The following BICDL1 variants were observed in gnomAD, a reference collection of about 807,000 sequenced individuals.
The protein encoded by BICDL1 is BICD family-like cargo adapter 1.
In BICDL1, 20 loss-of-function variants were observed where a neutral mutation model predicts 76.8. That is an observed-to-expected ratio of 0.26 (90% CI 0.18 to 0.38). BICDL1 has a LOEUF of 0.38. Ranked by LOEUF, BICDL1 falls within the 10% of genes least tolerant of loss-of-function variation. The probability of loss-of-function intolerance (pLI) is 1.00; values close to 1 mark genes in which losing one functional copy is unlikely to be tolerated. For missense variants in BICDL1, 700 were observed against 798.6 expected (o/e 0.88, Z 1.49); for synonymous variants, 383 against 337.1 (o/e 1.14, Z -1.49).
chr12:120,020,488 A>G (rs1444712464), intron 2 of BICDL1, among the ~76,000 whole-genome samples: 5 of 152,212 alleles, frequency 3.3e-5, no homozygotes, highest in African/African-American at 1.2e-4. Flanking sequence ...CTAAATATTG[A>G]TAAAAAGAAA....
At chr12:120,082,695 T>G (rs111363997) in intron 8 of BICDL1, among the ~76,000 whole-genome samples, 2,651 of 151,732 alleles carry the variant, frequency 0.017, 74 homozygotes, top group African/African-American at 0.06. Flanking sequence ...TGATCTTCCC[T>G]CCTCAGCCTC....
chr12:120,003,120 T>A (rs1203365650), intron 2 of BICDL1, among the ~76,000 whole-genome samples: 2 of 148,286 alleles, frequency 1.3e-5, no homozygotes, highest in African/African-American at 5.0e-5. Context: ...ATTGTGCCAC[T>A]GCACTCCAGC....
intron 2 of BICDL1, among the ~76,000 whole-genome samples, chr12:120,050,746 A>G (rs1177178746): frequency 2.0e-5 from 3 of 151,940 alleles, no homozygotes; most frequent in African/African-American, 7.3e-5. Flanking sequence ...GGTTCAAGCA[A>G]TTCTCATGCC....
chr12:119,989,898 C>T lies in BICDL1; in HGVS notation c.30C>T (p.Gly10=), dbSNP rs1362745510. The T allele has an allele frequency of 8.3e-6, 12 of 1,442,948 alleles. No homozygotes were observed. The highest frequency in any genetic ancestry group is 3.0e-5 in the East Asian group (1 of 33,844). 89.4% of individuals were successfully genotyped at this position (1,442,948 alleles called of 1,614,324 possible). A position where few individuals can be genotyped will look rare whatever the true frequency, so the allele number is the denominator to read the frequency against. Residue 10 remains glycine (G), a synonymous_variant, in exon 1 of 10, where the codon GGC becomes GGT. Coordinates refer to ENST00000548673, the MANE Select transcript of BICDL1 (RefSeq NM_001367886.1). ...CCGCTTTCTGCCTGGGCTTGGTCGG[C>T]CGCGCTTCAGCACCCGCCGAGCCGG... The part of the protein sequence containing the change: MSAFCLGLV[G]RASAPAEPDS...
At chr12:119,992,339 T>C (rs552208527) in intron 1 of BICDL1, 1 of 152,354 alleles carries the variant, frequency 6.6e-6, no homozygotes, top group East Asian at 1.9e-4. Context: ...TTGAACAATG[T>C]AGGTTTTAGA....
rs117719892 is a variant in BICDL1 at position 120,076,745 on chromosome 12, G to T, written c.1452+2159G>T. On this transcript the variant is annotated intron_variant, in intron 7 of 9. Transcript: ENST00000548673. The stretch of plus-strand genomic sequence containing the variant: ...AAGCAGAAAACCTCTCAGCCACACC[G>T]CACGTAGCAAAGCCACCTCATGGGG... Among the ~76,000 whole-genome samples, 982 of 152,292 alleles carry T rather than the reference G, an allele frequency of 6.4e-3. 6 individuals are homozygous for T. Among genetic ancestry groups the T allele is most frequent in the Middle Eastern group, 0.051 (15 of 294 alleles).
intron 8 of BICDL1, among the ~76,000 whole-genome samples, chr12:120,084,093 C>T (rs2138998523): frequency 6.6e-6 from 1 of 152,238 alleles, no homozygotes; most frequent in Non-Finnish European, 1.5e-5. Context: ...AACTCCGCCT[C>T]CCAGGTTCAA....
chr12:120,053,119 G>T (rs1952899225), intron 2 of BICDL1, among the ~76,000 whole-genome samples: 2 of 151,358 alleles, frequency 1.3e-5, no homozygotes, highest in African/African-American at 2.4e-5. Context: ...TGTTCCTGTT[G>T]CCCAGGCTAG....
chr12:120,025,049 CTT>C (rs200425537), intron 2 of BICDL1, among the ~76,000 whole-genome samples: 10 of 127,836 alleles, frequency 7.8e-5, no homozygotes, highest in Admixed American at 1.6e-4. Flanking sequence ...TACTTTCTTT[CTT>C]TTTTTTTTTT....
At chr12:120,089,895 A>AC in intron 8 of BICDL1, 56 bp from the exon 9 acceptor site, 10 of 1,595,446 alleles carry the variant, frequency 6.3e-6, no homozygotes, top group Non-Finnish European at 8.6e-6. Context: ...CCAAGTAAAG[A>AC]CCAAGATGCC....
chr12:120,004,586 A>G (rs944047978), intron 2 of BICDL1, among the ~76,000 whole-genome samples: 4 of 152,206 alleles, frequency 2.6e-5, no homozygotes, highest in Non-Finnish European at 4.4e-5. Flanking sequence ...ATATTGGTGA[A>G]GGAGAGACTG....
At chr12:120,027,593 G>A (rs918049044) in intron 2 of BICDL1, among the ~76,000 whole-genome samples, 2 of 152,208 alleles carry the variant, frequency 1.3e-5, no homozygotes, top group African/African-American at 2.4e-5. Flanking sequence ...CGGGTCCTGC[G>A]CAAACTCATA....
chr12:120,000,235 G>C (rs1280609560), intron 2 of BICDL1: 1 of 154,704 alleles, frequency 6.5e-6, no homozygotes, highest in Admixed American at 6.4e-5. Flanking sequence ...GAGGATTCAG[G>C]CAATAGGTAG....
At chr12:120,041,936 C>T (rs1952650612) in intron 2 of BICDL1, among the ~76,000 whole-genome samples, 1 of 152,100 alleles carries the variant, frequency 6.6e-6, no homozygotes, top group Non-Finnish European at 1.5e-5. Context: ...ATGTTTTATT[C>T]TGAGTAAGAA....
At chr12:120,085,603 G>T (rs1594217062) in intron 8 of BICDL1, among the ~76,000 whole-genome samples, 1 of 151,942 alleles carries the variant, frequency 6.6e-6, no homozygotes, top group East Asian at 1.9e-4. Flanking sequence ...TGAGCCTAGG[G>T]GTTCAAGACC....
At chr12:120,091,287 G>C in intron 9 of BICDL1, 1 of 1,090,274 alleles carries the variant, frequency 9.2e-7, no homozygotes, top group Non-Finnish European at 1.1e-6. Flanking sequence ...GGCCTGGAAT[G>C]ATGAGCAGCG....
At chr12:120,063,462 CTG>C (rs948143106) in intron 3 of BICDL1, among the ~76,000 whole-genome samples, 4 of 152,112 alleles carry the variant, frequency 2.6e-5, no homozygotes, top group African/African-American at 9.6e-5. Context: ...GATCTGTGCC[CTG>C]TGAGCAGAAT....
At chr12:120,092,364 G>A (rs1160776143) in intron 9 of BICDL1, 3 of 985,490 alleles carry the variant, frequency 3.0e-6, no homozygotes, top group African/African-American at 1.7e-5. Flanking sequence ...GCCTGATTTG[G>A]TGCAGGACAG....
chr12:120,037,399 A>G (rs1952549264), intron 2 of BICDL1, among the ~76,000 whole-genome samples: 1 of 152,160 alleles, frequency 6.6e-6, no homozygotes, highest in Non-Finnish European at 1.5e-5. Context: ...GAGGTTTCAC[A>G]TATTCATTTC....
Sources: gnomAD v4.1 joint callset for allele counts (sites outside exome capture counted in the v4.1 genomes callset) on GRCh38, gnomAD v4.1.1 for gene constraint, MANE v1.5 for transcripts, NCBI Gene and HGNC (gene_info 2026-07-23, HGNC 2026-07-21) for gene names.